Variants in KLRC1 observed in about 807,000 individuals in gnomAD.
The protein encoded by KLRC1 is killer cell lectin like receptor C1, also known as NKG2-A/NKG2-B type II integral membrane protein.
In KLRC1, 22 loss-of-function variants were observed where a neutral mutation model predicts 25.9. That is an observed-to-expected ratio of 0.85 (90% confidence interval 0.61 to 1.21). The LOEUF is 1.21. Ranked by LOEUF, KLRC1 falls within the 50% of genes most tolerant of loss-of-function variation. The pLI is 0.00. For missense variants in KLRC1, 240 were observed against 272.2 expected, an observed-to-expected ratio of 0.88 and a Z score of 0.83; for synonymous variants, 77 against 93.1, an observed-to-expected ratio of 0.83 and a Z score of 0.99.
upstream of KLRC1, among the ~76,000 whole-genome samples, chr12:10,453,984 T>C (rs1002036655): frequency 1.2e-4 from 19 of 152,216 alleles, no homozygotes; most frequent in Non-Finnish European, 2.5e-4. Context: ...GAAATTGAAA[T>C]ATTAAATAGC....
chr12:10,450,944 T>C (rs200149412), intron 2 of KLRC1, 26 bp downstream of exon 2: 7 of 1,543,588 alleles, frequency 4.5e-6, no homozygotes, highest in South Asian at 2.4e-5. Context: ...TAGACTGTTA[T>C]ATTGAGGATC....
intron 6 of KLRC1, 23 bp downstream of exon 6, chr12:10,447,509 T>C (rs780129468): frequency 2.2e-5 from 34 of 1,525,962 alleles, no homozygotes; most frequent in Non-Finnish European, 3.0e-5. Context: ...TATTGTTATA[T>C]AGCGCCATAC....
Position 10,447,626 on chromosome 12 carries a change from G to C in KLRC1, c.496C>G (p.Leu166Val). The C allele has an allele frequency of 6.3e-7, 1 of 1,597,728 alleles. No individual in the cohort carries two copies. The highest frequency in any genetic ancestry group is 8.5e-7 in the Non-Finnish European group (1 of 1,171,780). ...CATGAGGATGGTGAAATGATGGACAGAAATTTCTAAAAGAAAAGAAAGAAT... is the reference window on the plus strand; with the variant it reads ...CATGAGGATGGTGAAATGATGGACACAAATTTCTAAAAGAAAAGAAAGAAT... ...SIDNEEEMKF[L>V]SIISPSSWIG... Residue 166 changes from leucine (L) to valine (V), a missense_variant, in exon 6 of 7, where the codon CTG becomes GTG. By Grantham distance (32) the Leu-to-Val change is conservative. Transcript: ENST00000359151.
Position 10,450,962 on chromosome 12 carries a change from T to C in KLRC1, c.187+8A>G. 1 of 1,597,314 alleles carries C rather than the reference T, an allele frequency of 6.3e-7. No individual in the cohort carries two copies. The highest frequency in any genetic ancestry group is 8.5e-7 in the Non-Finnish European group (1 of 1,169,990). On this transcript the variant is annotated splice_region_variant and intron_variant, in intron 2 of 6. Coordinates refer to ENST00000359151, the MANE Select transcript of KLRC1 (RefSeq NM_002259.5). ...ACTGTTATATTGAGGATCTTTTAAA[T>C]GCTTTACCTTTGCAGTGATAGGTTT...
At chr12:10,454,641 A>T (rs930143163), upstream of KLRC1, 1 of 985,090 alleles carries the variant, frequency 1.0e-6, no homozygotes, top group African/African-American at 1.7e-5. Context: ...CCTACAGAAG[A>T]TACTAAAATG....
chr12:10,445,222 C>G (rs953596678), downstream of KLRC1, among the ~76,000 whole-genome samples: 10 of 151,922 alleles, frequency 6.6e-5, no homozygotes, highest in African/African-American at 2.4e-4. Context: ...CCGGCCAGCA[C>G]TGATATTTTA....
chr12:10,443,257 C>T (rs1217817062), downstream of KLRC1, among the ~76,000 whole-genome samples: 5 of 140,954 alleles, frequency 3.5e-5, no homozygotes, highest in African/African-American at 5.4e-5. Context: ...AAACAGCTCA[C>T]GGACCCCATG....
intron 4 of KLRC1, 58 bp from the exon 5 acceptor site, chr12:10,449,446 A>G: frequency 1.3e-6 from 2 of 1,591,816 alleles, no homozygotes; most frequent in Non-Finnish European, 8.5e-7. Flanking sequence ...AATGAAAATT[A>G]GTTCACATAT....
chr12:10,445,349 A>C (rs1333377963), downstream of KLRC1, among the ~76,000 whole-genome samples: 4 of 151,082 alleles, frequency 2.6e-5, no homozygotes, highest in Admixed American at 6.6e-5. Context: ...ATATCATTCC[A>C]ACTGCTACAA....
At chr12:10,453,113 TAC>T in intron 1 of KLRC1, 83 bp downstream of exon 1, 1 of 476,632 alleles carries the variant, frequency 2.1e-6, no homozygotes, top group African/African-American at 2.1e-5. Context: ...ATATTAATTA[TAC>T]CTCCTTTGTA....
chr12:10,445,379 T>C (rs1305600297), downstream of KLRC1, among the ~76,000 whole-genome samples: 1 of 128,486 alleles, frequency 7.8e-6, no homozygotes, highest in Non-Finnish European at 1.5e-5. Flanking sequence ...AATGTTACAA[T>C]TGATAAAATC....
At chr12:10,445,699 A>G (rs1863971018), downstream of KLRC1, among the ~76,000 whole-genome samples, 3 of 152,206 alleles carry the variant, frequency 2.0e-5, no homozygotes, top group South Asian at 6.2e-4. Flanking sequence ...TAGTTGACAT[A>G]ATAGATTTAC....
At chr12:10,452,191 T>C (rs1438564635) in intron 1 of KLRC1, among the ~76,000 whole-genome samples, 1 of 152,134 alleles carries the variant, frequency 6.6e-6, no homozygotes, top group Non-Finnish European at 1.5e-5. Context: ...TGGTAATTTA[T>C]TTCCTGGCTA....
chr12:10,449,907 T>C lies in KLRC1; in HGVS notation c.337+7A>G. On this transcript the variant is annotated splice_region_variant and intron_variant, in intron 4 of 6. Coordinates refer to ENST00000359151, the MANE Select transcript of KLRC1 (RefSeq NM_002259.5). ...ACAATATTAAAACTTTAAAAATTAT[T>C]ATATACCTTTCTGAGTTCTTGTATT... is the stretch of plus-strand genomic sequence containing the variant. The C allele has an allele frequency of 6.8e-7, 1 of 1,465,454 alleles. No individual in the cohort carries two copies. The highest frequency in any genetic ancestry group is 9.1e-7 in the Non-Finnish European group (1 of 1,100,288). The allele number at this position is 1,465,454 out of a possible 1,614,324, so 90.8% of individuals were successfully genotyped here.
At chr12:10,446,822 A>G (rs1863995388) in intron 6 of KLRC1, among the ~76,000 whole-genome samples, 160 bp from the exon 7 acceptor site, 2 of 152,246 alleles carry the variant, frequency 1.3e-5, no homozygotes, top group African/African-American at 2.4e-5. Context: ...TCAACAGAGT[A>G]GTCCCCCTTC....
downstream of KLRC1, among the ~76,000 whole-genome samples, chr12:10,444,454 T>C (rs1863949326): frequency 6.6e-6 from 1 of 152,094 alleles, no homozygotes; most frequent in Admixed American, 6.5e-5. Context: ...AGTGCTGGGA[T>C]TATAGGCTTG....
chr12:10,451,868 T>C (rs1270266988), intron 1 of KLRC1, among the ~76,000 whole-genome samples: 1 of 152,080 alleles, frequency 6.6e-6, no homozygotes, highest in Non-Finnish European at 1.5e-5. Flanking sequence ...GTTAAGACTA[T>C]GTGGTCTGCA....
chr12:10,450,889 C>T (rs961394891), intron 2 of KLRC1, 81 bp downstream of exon 2: 3 of 1,014,102 alleles, frequency 3.0e-6, no homozygotes, highest in African/African-American at 1.6e-5. Flanking sequence ...TATATGAGCA[C>T]TCCCTTCTCT....
rs2734413 is a variant in KLRC1 at position 10,446,229 on chromosome 12, C to G, written c.*322G>C. 98 of 386,816 alleles carry G rather than the reference C, an allele frequency of 2.5e-4. No homozygotes were observed. Among genetic ancestry groups the G allele is most frequent in the Middle Eastern group, 1.1e-3 (1 of 890 alleles). 24.0% of individuals were successfully genotyped at this position (386,816 alleles called of 1,614,324 possible). On this transcript the variant is annotated 3_prime_UTR_variant, in exon 7 of 7. Transcript: ENST00000359151. ...GGTCATCTCCTATTTCAACCTCCCT[C>G]AGACATTGGCAACCACTATTCTACT...
Sources: gnomAD v4.1 joint callset for allele counts (sites outside exome capture counted in the v4.1 genomes callset) on GRCh38, gnomAD v4.1.1 for gene constraint, MANE v1.5 for transcripts, NCBI Gene and HGNC (gene_info 2026-07-23, HGNC 2026-07-21) for gene names.